The following DOCK9 variants were observed in gnomAD, a reference collection of about 807,000 sequenced individuals.
DOCK9 encodes the protein dedicator of cytokinesis protein 9.
DOCK9 carries 89 observed loss-of-function variants against 263.3 expected under a neutral mutation model. The ratio of observed to expected loss-of-function variants is 0.34; its 90% CI spans 0.28 to 0.40. DOCK9 has a LOEUF of 0.40. Among genes scored for constraint, DOCK9 ranks in the 10% least tolerant of loss-of-function variants. DOCK9 has a pLI of 1.00. For synonymous variants in DOCK9, 976 were observed against 973.1 expected, an observed-to-expected ratio of 1.00 and a Z score of -0.06; for missense variants, 2,140 against 2,603.4, an observed-to-expected ratio of 0.82 and a Z score of 3.87.
intron 12 of DOCK9, 47 bp downstream of exon 12, chr13:98,902,241 T>A: frequency 6.3e-7 from 1 of 1,598,040 alleles, no homozygotes; most frequent in Non-Finnish European, 8.5e-7. Flanking sequence ...TTAGGTAGCA[T>A]GCAAAGTGAG....
chr13:99,046,549 T>C (rs1311733897), intron 1 of DOCK9, among the ~76,000 whole-genome samples: 1 of 152,176 alleles, frequency 6.6e-6, no homozygotes, highest in Non-Finnish European at 1.5e-5. Flanking sequence ...AGTAAACACC[T>C]CATAGAACAT....
intron 39 of DOCK9, 124 bp from the exon 40 acceptor site, chr13:98,831,910 G>T: frequency 1.7e-6 from 2 of 1,178,662 alleles, no homozygotes; most frequent in Non-Finnish European, 2.4e-6. Flanking sequence ...AACAAACTCT[G>T]CCTTGAATCC....
intron 36 of DOCK9, among the ~76,000 whole-genome samples, chr13:98,849,521 C>A (rs2093498715): frequency 6.6e-6 from 1 of 150,738 alleles, no homozygotes; most frequent in South Asian, 2.1e-4. Flanking sequence ...CCAAAAAGTT[C>A]TGAATTTGGA....
chr13:98,914,877 C>T (rs1377421707), intron 8 of DOCK9, among the ~76,000 whole-genome samples: 3 of 152,096 alleles, frequency 2.0e-5, no homozygotes, highest in Non-Finnish European at 4.4e-5. Context: ...TCTGAGGCTC[C>T]CATGCATTCT....
intron 39 of DOCK9, chr13:98,832,023 C>T (rs890413708): frequency 3.8e-6 from 2 of 521,570 alleles, no homozygotes; most frequent in Non-Finnish European, 3.4e-6. Context: ...GAAAGGAACA[C>T]TTGCTTAGTA....
chr13:98,985,428 G>A (rs1030732600), intron 1 of DOCK9, among the ~76,000 whole-genome samples: 24 of 152,004 alleles, frequency 1.6e-4, no homozygotes, highest in African/African-American at 5.3e-4. Context: ...AGCTCCACGA[G>A]GGCAGCATTT....
chr13:98,938,896 T>C (rs2055346601), intron 2 of DOCK9, among the ~76,000 whole-genome samples: 1 of 152,156 alleles, frequency 6.6e-6, no homozygotes, highest in Non-Finnish European at 1.5e-5. Context: ...AAAGACAATC[T>C]CCCAGAGAAG....
chr13:98,949,748 T>C, intron 2 of DOCK9: 1 of 349,442 alleles, frequency 2.9e-6, no homozygotes, highest in South Asian at 2.7e-5. Context: ...AGCTGATTGA[T>C]GTGTTCACCC....
intron 1 of DOCK9, among the ~76,000 whole-genome samples, chr13:99,081,350 T>C (rs1260633166): frequency 6.6e-6 from 1 of 152,206 alleles, no homozygotes; most frequent in Non-Finnish European, 1.5e-5. Flanking sequence ...ATCCCATACC[T>C]TCTGTCTGCC....
chr13:98,881,511 C>T, intron 25 of DOCK9, 47 bp downstream of exon 25: 1 of 1,497,860 alleles, frequency 6.7e-7, no homozygotes, highest in Non-Finnish European at 9.1e-7. Flanking sequence ...AGAAGGAAAA[C>T]TGGAGAGCCA....
intron 32 of DOCK9, among the ~76,000 whole-genome samples, chr13:98,862,469 G>T (rs1039427028): frequency 1.4e-4 from 21 of 152,060 alleles, no homozygotes; most frequent in African/African-American, 5.1e-4. Context: ...TGGGCAGATG[G>T]AGAGTTCCAG....
At chr13:98,959,859 T>C (rs1436801989) in intron 1 of DOCK9, among the ~76,000 whole-genome samples, 1 of 152,178 alleles carries the variant, frequency 6.6e-6, no homozygotes, top group Non-Finnish European at 1.5e-5. Flanking sequence ...AAGAGGATAA[T>C]TGCCTATTTT....
At chr13:98,972,239 T>C (rs998025188) in intron 1 of DOCK9, among the ~76,000 whole-genome samples, 1 of 152,214 alleles carries the variant, frequency 6.6e-6, no homozygotes, top group African/African-American at 2.4e-5. Context: ...AAACAGTTCC[T>C]GGCACAGAGC....
intron 1 of DOCK9, among the ~76,000 whole-genome samples, chr13:98,990,653 T>G (rs1479382012): frequency 1.3e-5 from 2 of 152,332 alleles, no homozygotes; most frequent in African/African-American, 4.8e-5. Flanking sequence ...TTTCCACTTA[T>G]CTCAGGGACA....
intron 13 of DOCK9, among the ~76,000 whole-genome samples, chr13:98,899,217 G>A (rs924549556): frequency 2.6e-5 from 4 of 152,194 alleles, no homozygotes; most frequent in East Asian, 3.9e-4. Context: ...CAGAACGTGC[G>A]TTCTGACAAG....
At position 98,860,432 on chromosome 13, in the gene DOCK9, C is replaced by A; in HGVS notation, c.3670G>T (p.Asp1224Tyr). The A allele has an allele frequency of 6.3e-7, 1 of 1,592,928 alleles. No individual in the cohort carries two copies. Among genetic ancestry groups the A allele is most frequent in the East Asian group, 2.3e-5 (1 of 44,062 alleles). The change falls in exon 33 of 53, where the codon GAC becomes TAC. Residue 1224 changes from aspartate (D) to tyrosine (Y), a missense_variant. Transcript: ENST00000682017. Reference sequence around the variant, plus strand: ...ATGCCGGAGATGGCGCCCAGCAGGTCCTTGTGCAGGCTGTTGTCCAGGGTG... The same window carrying A: ...ATGCCGGAGATGGCGCCCAGCAGGTACTTGTGCAGGCTGTTGTCCAGGGTG... ...GSTLDNSLHKDLLGAISGIAS... is the reference protein window; with the variant it reads ...GSTLDNSLHKYLLGAISGIAS...
chr13:98,930,309 C>A, intron 2 of DOCK9, 52 bp from the exon 3 acceptor site: 2 of 1,503,318 alleles, frequency 1.3e-6, no homozygotes, highest in Non-Finnish European at 9.1e-7. Context: ...GAGGCAGGTG[C>A]CAGCCTCAGA....
chr13:99,064,976 C>T (rs1009680237), intron 1 of DOCK9, among the ~76,000 whole-genome samples: 2 of 152,148 alleles, frequency 1.3e-5, no homozygotes, highest in African/African-American at 4.8e-5. Flanking sequence ...TATCTGAAAG[C>T]GAAGGACCAG....
chr13:98,902,228 C>T lies in DOCK9; in HGVS notation c.1380+60G>A, dbSNP rs567853829. 2.5e-6 allele frequency: 4 copies of T among 1,572,128 alleles called. No homozygotes were observed. The African/African-American group carries it at 5.4e-5, about 21-fold the overall frequency. Reference sequence around the variant, plus strand: ...AGGTCTAATTTGAGCATTTTTGGTGCATTTAGGTAGCATGCAAAGTGAGTC... The same window carrying T: ...AGGTCTAATTTGAGCATTTTTGGTGTATTTAGGTAGCATGCAAAGTGAGTC... On this transcript the variant is annotated intron_variant, in intron 12 of 52. Coordinates refer to ENST00000682017, the MANE Select transcript of DOCK9 (RefSeq NM_001366683.2).
Sources: allele counts gnomAD v4.1 joint callset (sites outside exome capture counted in the v4.1 genomes callset), GRCh38; gene constraint gnomAD v4.1.1; transcripts MANE v1.5; gene names NCBI Gene and HGNC (gene_info 2026-07-23, HGNC 2026-07-21).